Variants in ASPH observed in about 807,000 individuals in gnomAD.
The protein encoded by ASPH is aspartate beta-hydroxylase.
In ASPH, 100 loss-of-function variants were observed where a neutral mutation model predicts 118.4. The ratio of observed to expected loss-of-function variants is 0.84; its 90% CI spans 0.72 to 1.00. The LOEUF is 1.00. Among genes scored for constraint, ASPH ranks in the 50% least tolerant of loss-of-function variants. The pLI is 0.00. For synonymous variants in ASPH, 315 were observed against 325.6 expected (o/e 0.97, Z 0.35); for missense variants, 920 against 919.5 (o/e 1.00, Z -0.01).
At chr8:61,695,221 T>A (rs548632725) in intron 1 of ASPH, among the ~76,000 whole-genome samples, 7 of 152,350 alleles carry the variant, frequency 4.6e-5, no homozygotes, top group African/African-American at 1.4e-4. Context: ...AGCATACACT[T>A]TTCTACTCCA....
intron 14 of ASPH, among the ~76,000 whole-genome samples, chr8:61,596,663 G>A (rs1842591708): frequency 6.6e-6 from 1 of 152,128 alleles, no homozygotes; most frequent in South Asian, 2.1e-4. Flanking sequence ...ATCATACTGA[G>A]ACTACACTAC....
chr8:61,594,008 C>T (rs1347677966), intron 14 of ASPH, among the ~76,000 whole-genome samples: 18 of 152,100 alleles, frequency 1.2e-4, no homozygotes, highest in Admixed American at 9.8e-4. Flanking sequence ...TACTCAGCAG[C>T]GGATACAAGC....
intron 22 of ASPH, among the ~76,000 whole-genome samples, chr8:61,523,707 T>C (rs963155114): frequency 1.3e-5 from 2 of 152,120 alleles, no homozygotes; most frequent in Admixed American, 6.6e-5. Flanking sequence ...CCAAAGACCA[T>C]AAAGAACTTT....
rs1277023389 is a variant in ASPH at position 61,567,233 on chromosome 8, G to A, written c.1235C>T (p.Pro412Leu). 4.3e-6 allele frequency: 7 copies of A among 1,613,962 alleles called. No homozygotes were observed. The highest frequency in any genetic ancestry group is 5.9e-6 in the Non-Finnish European group (7 of 1,180,022). The change falls in exon 17 of 25, where the codon CCT becomes CTT. Residue 412 changes from proline to leucine, a missense_variant. Pro to Leu is a moderately conservative substitution (Grantham distance 98). Coordinates refer to ENST00000379454, the MANE Select transcript of ASPH (RefSeq NM_004318.4). Reference sequence around the variant, plus strand: ...CTTCAGCAGGTCTGCAGGGACATCAGGTAGGCTGGCCACCTCTTGGTAGGT... The same window carrying A: ...CTTCAGCAGGTCTGCAGGGACATCAAGTAGGCTGGCCACCTCTTGGTAGGT... ...IETYQEVASL[P>L]DVPADLLKLS...
At chr8:61,557,091 C>T (rs1828139536) in intron 18 of ASPH, among the ~76,000 whole-genome samples, 1 of 152,300 alleles carries the variant, frequency 6.6e-6, no homozygotes, top group Middle Eastern at 3.4e-3. Flanking sequence ...CTACCCTGAC[C>T]CAAGAGAGGT....
In ASPH at chr8:61,503,374, G is replaced by C. The variant is rs192951706; in HGVS notation, c.2262C>G (p.Ser754Arg). 2.4e-5 allele frequency: 38 copies of C among 1,606,200 alleles called. No individual in the cohort carries two copies. The highest frequency in any genetic ancestry group is 3.2e-5 in the Non-Finnish European group (38 of 1,176,102). Residue 754 changes from serine to arginine, a missense_variant, in exon 25 of 25, where the codon AGC becomes AGG. By Grantham distance (110) the Ser-to-Arg change is moderately radical. Transcript: ENST00000379454. ...TGAATTCATGCTAAATTGCTGGAAG[G>C]CTGCGTCTCTGCTGTGGTGTCAGTT... ...HPELTPQQRR[S>R]LPAI
At chr8:61,525,191 TG>T (rs1814821135) in intron 22 of ASPH, among the ~76,000 whole-genome samples, 1 of 152,240 alleles carries the variant, frequency 6.6e-6, no homozygotes, top group Admixed American at 6.5e-5. Flanking sequence ...TTTCTGTAGC[TG>T]AAGATATGCA....
chr8:61,594,081 T>C (rs1444067021), intron 14 of ASPH, among the ~76,000 whole-genome samples: 6 of 152,164 alleles, frequency 3.9e-5, no homozygotes, highest in Non-Finnish European at 5.9e-5. Flanking sequence ...CCAGCTCCAA[T>C]AGCACTGCAA....
Position 61,562,895 on chromosome 8 carries a change from ATTT to A in ASPH, c.1301-18_1301-16del. On this transcript the variant is annotated splice_polypyrimidine_tract_variant and intron_variant, in intron 17 of 24. Coordinates refer to ENST00000379454, the MANE Select transcript of ASPH (RefSeq NM_004318.4). The stretch of plus-strand genomic sequence containing the variant: ...TCTCATATGACCTGAGTAGGTGGGA[ATTT>A]AAAAAAAATAGAAATAAAAACAGAT... 6.4e-7 allele frequency: 1 copy of A among 1,559,702 alleles called. No homozygotes were observed. The highest frequency in any genetic ancestry group is 2.1e-5 in the Admixed American group (1 of 46,538).
At chr8:61,568,643 T>C (rs906511305) in intron 16 of ASPH, among the ~76,000 whole-genome samples, 43 of 151,990 alleles carry the variant, frequency 2.8e-4, no homozygotes, top group African/African-American at 1.0e-3. Context: ...TCATCAAGGA[T>C]GAAGATGGTA....
intron 1 of ASPH, among the ~76,000 whole-genome samples, chr8:61,698,823 T>C (rs748276943): frequency 2.8e-4 from 42 of 152,194 alleles, no homozygotes; most frequent in Non-Finnish European, 1.8e-4. Flanking sequence ...TTTCACAATA[T>C]CACAGATGGC....
At chr8:61,563,032 T>C in intron 17 of ASPH, 152 bp from the exon 18 acceptor site, 1 of 644,150 alleles carries the variant, frequency 1.6e-6, no homozygotes, top group Non-Finnish European at 2.4e-6. Flanking sequence ...CCTAGTAGGA[T>C]TTCATAATGT....
In ASPH at chr8:61,567,479, T is replaced by A. The variant is rs377646139; in HGVS notation, c.1150-161A>T. Among the ~76,000 whole-genome samples the A allele has an allele frequency of 1.4e-3, 209 of 152,290 alleles. 2 individuals are homozygous for A. The highest frequency in any genetic ancestry group is 4.7e-3 in the African/African-American group (194 of 41,556). Reference sequence around the variant, plus strand: ...AGAGATAAAAAAAACTAACAAAAGATAGAAAATCAACACACTATTTTAATA... The same window carrying A: ...AGAGATAAAAAAAACTAACAAAAGAAAGAAAATCAACACACTATTTTAATA... On this transcript the variant is annotated intron_variant, in intron 16 of 24. Coordinates refer to ENST00000379454, the MANE Select transcript of ASPH (RefSeq NM_004318.4).
rs66585881 is a variant in ASPH at position 61,562,358 on chromosome 8, C to CAA, written c.1437+384_1437+385dup. ...GCCTCTCTCTAGACCATACTTCTGC[C>CAA]AAAAAAAAAAAAAAAAAAAGGAAAG... On this transcript the variant is annotated intron_variant, in intron 18 of 24. Transcript: ENST00000379454. Among the ~76,000 whole-genome samples, 828 of 111,308 alleles carry CAA rather than the reference C, an allele frequency of 7.4e-3. 27 individuals are homozygous for CAA. The East Asian group carries it at 0.08, about 11-fold the overall frequency. The allele number at this position is 111,308 out of a possible 152,430, so 73.0% of individuals were successfully genotyped here. A position where few individuals can be genotyped will look rare whatever the true frequency, so the allele number is the denominator to read the frequency against.
At chr8:61,677,126 C>A (rs1304338834) in intron 3 of ASPH, among the ~76,000 whole-genome samples, 4 of 152,094 alleles carry the variant, frequency 2.6e-5, no homozygotes, top group Admixed American at 2.6e-4. Context: ...AGGAACATTC[C>A]AAATTCCTCT....
At chr8:61,506,168 T>C (rs1487253447) in intron 24 of ASPH, among the ~76,000 whole-genome samples, 1 of 152,172 alleles carries the variant, frequency 6.6e-6, no homozygotes, top group Non-Finnish European at 1.5e-5. Context: ...TTTTGACACA[T>C]GCTACAACAT....
rs1227518823 is a variant in ASPH at position 61,548,160 on chromosome 8, C to G, written c.1675G>C (p.Val559Leu). ...ACATTGTAGAGTGAGCGTTGCCAGA[C>G]AGATGCAAAGTGTCCTCTCTTGTGC... is the stretch of plus-strand genomic sequence containing the variant. ...LGHKRGHFAS[V>L]WQRSLYNVNG... Residue 559 changes from valine (V) to leucine (L), a missense_variant, in exon 21 of 25, where the codon GTC becomes CTC. Coordinates refer to ENST00000379454, the MANE Select transcript of ASPH (RefSeq NM_004318.4). 15 of 1,613,970 alleles carry G rather than the reference C, an allele frequency of 9.3e-6. No individual in the cohort carries two copies. Among genetic ancestry groups the G allele is most frequent in the East Asian group, 4.5e-5 (2 of 44,882 alleles).
intron 24 of ASPH, among the ~76,000 whole-genome samples, chr8:61,515,719 G>A (rs1480566391): frequency 6.6e-6 from 1 of 152,078 alleles, no homozygotes; most frequent in East Asian, 1.9e-4. Context: ...CTTGCCTCAT[G>A]CCTCCCAAAT....
At chr8:61,617,947 A>AAAG (rs1849604648) in intron 14 of ASPH, among the ~76,000 whole-genome samples, 1 of 150,668 alleles carries the variant, frequency 6.6e-6, no homozygotes, top group Non-Finnish European at 1.5e-5. Flanking sequence ...AAAAAAAAAA[A>AAAG]AAAGAAAGAA....
Sources: allele counts gnomAD v4.1 joint callset (sites outside exome capture counted in the v4.1 genomes callset), GRCh38; gene constraint gnomAD v4.1.1; transcripts MANE v1.5; gene names NCBI Gene and HGNC (gene_info 2026-07-23, HGNC 2026-07-21).